The following RINT1 variants were observed in gnomAD, a reference collection of about 807,000 sequenced individuals.
The protein encoded by RINT1 is RAD50 interactor 1, also known as RAD50-interacting protein 1.
A neutral mutation model predicts 97.7 loss-of-function variants in RINT1; 75 were observed. The observed-to-expected ratio is 0.77, with a 90% CI of 0.64 to 0.93. The LOEUF is 0.93. Ranked by LOEUF, RINT1 falls within the 40% of genes least tolerant of loss-of-function variation. The pLI is 0.00. For missense variants in RINT1, 892 were observed against 925.2 expected, an observed-to-expected ratio of 0.96 and a Z score of 0.47; for synonymous variants, 303 against 326.3, an observed-to-expected ratio of 0.93 and a Z score of 0.77.
intron 3 of RINT1, among the ~76,000 whole-genome samples, chr7:105,537,432 A>C (rs900565354): frequency 1.3e-5 from 2 of 151,928 alleles, no homozygotes; most frequent in African/African-American, 4.8e-5. Context: ...ACCCGGCCAC[A>C]TTTCAGATTT....
chr7:105,559,617 A>T (rs1791349297), intron 11 of RINT1, among the ~76,000 whole-genome samples: 1 of 149,618 alleles, frequency 6.7e-6, no homozygotes, highest in Non-Finnish European at 1.5e-5. Flanking sequence ...GCTACTCAGG[A>T]GGCTGAGGCA....
chr7:105,549,869 T>C (rs936598931), intron 7 of RINT1, among the ~76,000 whole-genome samples, 186 bp from the exon 8 acceptor site: 1 of 152,210 alleles, frequency 6.6e-6, no homozygotes, highest in African/African-American at 2.4e-5. Context: ...GGGAGTACAT[T>C]AGCAAACATT....
intron 2 of RINT1, 25 bp from the exon 3 acceptor site, chr7:105,536,540 A>G: frequency 2.0e-6 from 3 of 1,495,162 alleles, no homozygotes. Flanking sequence ...AGTGGCGTTG[A>G]GTAATTGTTA....
At chr7:105,541,511 C>T (rs984351008) in intron 3 of RINT1, 4 of 151,310 alleles carry the variant, frequency 2.6e-5, no homozygotes, top group African/African-American at 7.3e-5. Flanking sequence ...GGCACGGTGG[C>T]TTATGCCTGT....
chr7:105,557,206 TTG>T (rs1403291380), intron 11 of RINT1, among the ~76,000 whole-genome samples: 1 of 152,010 alleles, frequency 6.6e-6, no homozygotes, highest in East Asian at 1.9e-4. Flanking sequence ...AAATATATAA[TTG>T]TGTCATAAAA....
chr7:105,555,141 A>G lies in RINT1; in HGVS notation c.1585A>G (p.Arg529Gly). The stretch of plus-strand genomic sequence containing the variant: ...AACACAAGTGATGAAAGAAGAGACT[A>G]GAGCTTCCCTTGGCTTTCGATACTG... Reference protein sequence around the residue: ...RLTQVMKEETRASLGFRYCAI... With the variant: ...RLTQVMKEETGASLGFRYCAI... Residue 529 changes from arginine to glycine, a missense_variant, in exon 11 of 15, where the codon AGA (arginine) becomes GGA (glycine). Coordinates refer to ENST00000257700, the MANE Select transcript of RINT1 (RefSeq NM_021930.6). 1 of 1,613,504 alleles carries G rather than the reference A, an allele frequency of 6.2e-7. No homozygotes were observed. The highest frequency in any genetic ancestry group is 1.3e-5 in the African/African-American group (1 of 75,060).
chr7:105,566,352 G>T (rs924810578), intron 14 of RINT1: 3 of 152,056 alleles, frequency 2.0e-5, no homozygotes, highest in Non-Finnish European at 4.4e-5. Flanking sequence ...TATAGTTTCA[G>T]AATTTGTTGA....
chr7:105,563,164 A>G (rs1791513370), intron 11 of RINT1, among the ~76,000 whole-genome samples: 1 of 152,174 alleles, frequency 6.6e-6, no homozygotes, highest in East Asian at 1.9e-4. Flanking sequence ...ACAACCAACC[A>G]TACGTTGTAT....
chr7:105,553,503 G>T (rs1362067415), intron 10 of RINT1, among the ~76,000 whole-genome samples: 1 of 150,752 alleles, frequency 6.6e-6, no homozygotes. Context: ...GGCAGGTCAC[G>T]AGGTCAGGAG....
intron 11 of RINT1, among the ~76,000 whole-genome samples, chr7:105,558,161 A>G (rs1399494238): frequency 6.6e-6 from 1 of 151,850 alleles, no homozygotes; most frequent in Admixed American, 6.6e-5. Flanking sequence ...CTAAAAATAA[A>G]AAAAATGCCT....
In RINT1 at chr7:105,542,468, G is replaced by A. The variant is rs2133373212; in HGVS notation, c.334G>A (p.Glu112Lys). Residue 112 changes from glutamate (E) to lysine (K), a missense_variant, in exon 4 of 15, where the codon GAA (glutamate) becomes AAA (lysine). Transcript: ENST00000257700. ...TCGAAGTGCCTTAAAAAATGCAGAA[G>A]AATCAAAGCAATTTCTTAATCAGTT... Reference protein sequence around the residue: ...RIRSALKNAEESKQFLNQFLE... With the variant: ...RIRSALKNAEKSKQFLNQFLE... 6.2e-7 allele frequency: 1 copy of A among 1,613,708 alleles called. No individual in the cohort carries two copies. The highest frequency in any genetic ancestry group is 8.5e-7 in the Non-Finnish European group (1 of 1,179,706).
chr7:105,542,600 G>C lies in RINT1; in HGVS notation c.466G>C (p.Glu156Gln), dbSNP rs772540725. Residue 156 changes from glutamate (E) to glutamine (Q), a missense_variant, in exon 4 of 15, where the codon GAA becomes CAA. Physicochemically the swap from Glu to Gln is conservative, Grantham distance 29. Transcript: ENST00000257700. ...CATGATTAGCCAGATTGAAGAGATC[G>C]AACGTCATCTTGCTTACCTTAAATG... ...GTMISQIEEI[E>Q]RHLAYLKWIS... 4 of 1,614,056 alleles carry C rather than the reference G, an allele frequency of 2.5e-6. No homozygotes were observed. Among genetic ancestry groups the C allele is most frequent in the Non-Finnish European group, 2.5e-6 (3 of 1,179,994 alleles).
Position 105,550,166 on chromosome 7 carries a change from G to GT in RINT1, c.1107+2dup, listed in dbSNP as rs552183486. 7.5e-6 allele frequency: 12 copies of GT among 1,609,134 alleles called. No homozygotes were observed. Among genetic ancestry groups the GT allele is most frequent in the Admixed American group, 1.7e-5 (1 of 59,860 alleles). On this transcript the variant is annotated splice_donor_variant, in intron 8 of 14. Coordinates refer to ENST00000257700, the MANE Select transcript of RINT1 (RefSeq NM_021930.6). LOFTEE classifies it high-confidence loss of function. ...AGTAGGCTCTTTGGTAAACGCAAGG[G>GT]TAAGAGACTCAGTCATAAGTGTTTC...
At chr7:105,539,218 C>T (rs779997606) in intron 3 of RINT1, among the ~76,000 whole-genome samples, 7 of 152,074 alleles carry the variant, frequency 4.6e-5, no homozygotes, top group Non-Finnish European at 8.8e-5. Context: ...GATAATGGCA[C>T]CACTATTTGC....
intron 3 of RINT1, among the ~76,000 whole-genome samples, chr7:105,538,206 T>A (rs111356038): frequency 6.6e-6 from 1 of 152,098 alleles, no homozygotes; most frequent in African/African-American, 2.4e-5. Flanking sequence ...TGGGCCAAGA[T>A]GGTTTCGATT....
intron 2 of RINT1, among the ~76,000 whole-genome samples, chr7:105,535,384 C>T (rs1790188476): frequency 6.6e-6 from 1 of 151,986 alleles, no homozygotes; most frequent in Non-Finnish European, 1.5e-5. Context: ...CGTGCACCGC[C>T]ATGCCCAGCT....
chr7:105,542,540 C>G lies in RINT1; in HGVS notation c.406C>G (p.Leu136Val). 1 of 1,614,164 alleles carries G rather than the reference C, an allele frequency of 6.2e-7. No homozygotes were observed. ...HLFSAINSHL[L>V]TAQPWMDDLG... ...CTTCAGCGCCATTAACAGCCATTTG[C>G]TGACTGCGCAACCTTGGATGGACGA... Residue 136 changes from leucine (L) to valine (V), a missense_variant, in exon 4 of 15, where the codon CTG becomes GTG. Coordinates refer to ENST00000257700, the MANE Select transcript of RINT1 (RefSeq NM_021930.6).
At position 105,551,645 on chromosome 7, in the gene RINT1, TG is replaced by T; in HGVS notation, c.1411del (p.Asp471MetfsTer3). 6.2e-7 allele frequency: 1 copy of T among 1,612,406 alleles called. No homozygotes were observed. Among genetic ancestry groups the T allele is most frequent in the Non-Finnish European group, 8.5e-7 (1 of 1,179,042 alleles). On this transcript the variant is annotated frameshift_variant, in exon 10 of 15. Coordinates refer to ENST00000257700, the MANE Select transcript of RINT1 (RefSeq NM_021930.6). LOFTEE classifies it high-confidence loss of function. ...WVSQYKDITD[V>X]DEMKVPDCAE... ...TCGCAATATAAGGATATCACTGACG[TG>T]GATGAAATGAAAGTTCCAGATTGTG...
chr7:105,536,273 C>T (rs1172702249), intron 2 of RINT1, among the ~76,000 whole-genome samples: 1 of 152,160 alleles, frequency 6.6e-6, no homozygotes, highest in African/African-American at 2.4e-5. Context: ...ATTCTCGTGC[C>T]TCAGCCTCCC....
Sources: allele counts gnomAD v4.1 joint callset (sites outside exome capture counted in the v4.1 genomes callset), GRCh38; gene constraint gnomAD v4.1.1; transcripts MANE v1.5; gene names NCBI Gene and HGNC (gene_info 2026-07-23, HGNC 2026-07-21).